PLEKHM3: variants seen among roughly 807,000 people sequenced by gnomAD.
PLEKHM3 encodes the protein pleckstrin homology domain-containing family M member 3.
PLEKHM3 carries 45 observed loss-of-function variants against 81.8 expected under a neutral mutation model. The ratio of observed to expected loss-of-function variants is 0.55; its 90% confidence interval spans 0.43 to 0.71. The LOEUF (loss-of-function observed/expected upper bound fraction) is 0.71, where lower values mean the gene tolerates loss of function less well. Among genes scored for constraint, PLEKHM3 ranks in the 30% least tolerant of loss-of-function variants. PLEKHM3 has a pLI of 0.00. For missense variants in PLEKHM3, 788 were observed against 924.3 expected (o/e 0.85, Z 1.91); for synonymous variants, 352 against 356.4 (o/e 0.99, Z 0.14).
At chr2:207,870,215 G>C (rs1039108665) in intron 6 of PLEKHM3, among the ~76,000 whole-genome samples, 1 of 152,158 alleles carries the variant, frequency 6.6e-6, no homozygotes, top group African/African-American at 2.4e-5. Context: ...TTTATGGGGG[G>C]CGGAGAAGAC....
In PLEKHM3 at chr2:207,831,303, T is replaced by C. The variant is rs540693508; in HGVS notation, c.2109-2807A>G. ...GATTGCCTACCGGGGACGCAGTGAG[T>C]TGGAGACAGAGTTGTGACTGGAACC... On this transcript the variant is annotated intron_variant, in intron 7 of 7. Transcript: ENST00000427836. Among the ~76,000 whole-genome samples the C allele has an allele frequency of 7.9e-5, 12 of 152,058 alleles. No homozygotes were observed. In the East Asian group the frequency reaches 2.3e-3, roughly 30 times the overall value.
intron 4 of PLEKHM3, among the ~76,000 whole-genome samples, chr2:207,945,681 C>T (rs1238334843): frequency 1.3e-5 from 2 of 152,180 alleles, no homozygotes; most frequent in Non-Finnish European, 2.9e-5. Flanking sequence ...GCAGGCAGAT[C>T]ATTTGAGGTC....
intron 7 of PLEKHM3, among the ~76,000 whole-genome samples, chr2:207,834,676 C>T (rs1454561900): frequency 1.3e-4 from 20 of 151,958 alleles, no homozygotes; most frequent in African/African-American, 4.4e-4. Context: ...CCACCTGCCT[C>T]GGCCTCCCAA....
chr2:207,882,719 A>C lies in PLEKHM3; in HGVS notation c.1951-21457T>G, dbSNP rs999932585. Among the ~76,000 whole-genome samples, 4 of 152,062 alleles carry C rather than the reference A, an allele frequency of 2.6e-5. No individual in the cohort carries two copies. The South Asian group carries it at 6.2e-4, about 24-fold the overall frequency. On this transcript the variant is annotated intron_variant, in intron 6 of 7. Coordinates refer to ENST00000427836, the MANE Select transcript of PLEKHM3 (RefSeq NM_001080475.3). ...TGTCTACTGATGATGTTGTTTATTC[A>C]GACTAAAAGGCAGACTACATATATG...
intron 6 of PLEKHM3, among the ~76,000 whole-genome samples, chr2:207,898,149 G>T (rs1297081095): frequency 2.0e-5 from 3 of 152,198 alleles, no homozygotes; most frequent in Non-Finnish European, 4.4e-5. Flanking sequence ...CGGAACAAAA[G>T]CAGGCATTCT....
chr2:208,004,277 T>C (rs1322635316), intron 1 of PLEKHM3, among the ~76,000 whole-genome samples: 5 of 151,922 alleles, frequency 3.3e-5, no homozygotes, highest in Admixed American at 3.3e-4. Context: ...GAGCCAGTCA[T>C]GATGGTGTGC....
At chr2:207,861,293 C>T (rs779514675) in intron 6 of PLEKHM3, 31 bp from the exon 7 acceptor site, 1 of 1,607,740 alleles carries the variant, frequency 6.2e-7, no homozygotes, top group South Asian at 1.1e-5. Context: ...CAGGGAAGCA[C>T]ATTTATTGAG....
rs112350133 is a variant in PLEKHM3, at chr2:207,952,959, A to G, written c.1547-6447T>C. 1.7e-3 allele frequency among the ~76,000 whole-genome samples: 254 copies of G among 152,340 alleles called. 3 individuals carry two copies. The highest frequency in any genetic ancestry group is 5.7e-3 in the African/African-American group (237 of 41,566). ...ATTCTGTCTTTGGGACAAGGTGGTGACCCATAAAGTAGGAGCTATCTGTTT... is the reference window on the plus strand; with the variant it reads ...ATTCTGTCTTTGGGACAAGGTGGTGGCCCATAAAGTAGGAGCTATCTGTTT... On this transcript the variant is annotated intron_variant, in intron 3 of 7. Transcript: ENST00000427836.
chr2:207,941,446 C>T (rs1574426951), intron 4 of PLEKHM3, among the ~76,000 whole-genome samples: 1 of 152,056 alleles, frequency 6.6e-6, no homozygotes. Flanking sequence ...GAAACTAGAC[C>T]CCCTCAGGAT....
Position 207,866,829 on chromosome 2 carries a change from T to C in PLEKHM3, c.1951-5567A>G, listed in dbSNP as rs893879359. Among the ~76,000 whole-genome samples the C allele has an allele frequency of 2.6e-5, 4 of 152,202 alleles. No individual in the cohort carries two copies. In the East Asian group the frequency reaches 7.7e-4, roughly 29 times the overall value. Reference sequence around the variant, plus strand: ...CCATCTTTGGCTACTTCAGACACCATAAATCTCTTGTGTTTCTCCCTAGAA... The same window carrying C: ...CCATCTTTGGCTACTTCAGACACCACAAATCTCTTGTGTTTCTCCCTAGAA... On this transcript the variant is annotated intron_variant, in intron 6 of 7. Transcript: ENST00000427836.
intron 4 of PLEKHM3, among the ~76,000 whole-genome samples, chr2:207,932,411 A>G (rs1432447120): frequency 6.6e-6 from 1 of 152,248 alleles, no homozygotes; most frequent in African/African-American, 2.4e-5. Flanking sequence ...GTTTCTATTT[A>G]TGGAAGATAA....
chr2:207,852,378 A>G (rs1277270589), intron 7 of PLEKHM3, among the ~76,000 whole-genome samples: 2 of 152,200 alleles, frequency 1.3e-5, no homozygotes, highest in African/African-American at 2.4e-5. Flanking sequence ...AGTTGCTGGC[A>G]CTAGTACTAA....
chr2:207,893,409 C>G (rs1003379340), intron 6 of PLEKHM3, among the ~76,000 whole-genome samples: 9 of 152,216 alleles, frequency 5.9e-5, no homozygotes, highest in Non-Finnish European at 1.3e-4. Flanking sequence ...AAATTATACA[C>G]ACACCTAAAA....
chr2:207,921,529 C>A (rs1490900017), intron 5 of PLEKHM3, among the ~76,000 whole-genome samples: 1 of 152,102 alleles, frequency 6.6e-6, no homozygotes, highest in Non-Finnish European at 1.5e-5. Flanking sequence ...TCAAAATGCA[C>A]TTTTCTAGCT....
chr2:208,003,610 A>T (rs1474442608), intron 1 of PLEKHM3, among the ~76,000 whole-genome samples: 1 of 152,182 alleles, frequency 6.6e-6, no homozygotes, highest in African/African-American at 2.4e-5. Context: ...TTTGATATTT[A>T]TTATGTTAGT....
At chr2:207,837,273 A>G (rs369966707) in intron 7 of PLEKHM3, among the ~76,000 whole-genome samples, 1 of 152,170 alleles carries the variant, frequency 6.6e-6, no homozygotes, top group South Asian at 2.1e-4. Context: ...AGGATACTAG[A>G]CATTCTAAGG....
intron 6 of PLEKHM3, among the ~76,000 whole-genome samples, chr2:207,865,780 TC>T: frequency 3.6e-4 from 1 of 2,780 alleles, no homozygotes; most frequent in African/African-American, 1.2e-3. Flanking sequence ...AAACTCCGAC[TC>T]AAAAAAAAAA....
At chr2:207,842,548 G>A (rs186194592) in intron 7 of PLEKHM3, among the ~76,000 whole-genome samples, 133 of 152,236 alleles carry the variant, frequency 8.7e-4, no homozygotes, top group Non-Finnish European at 8.8e-4. Flanking sequence ...GAAAAATACT[G>A]CAATAATGCT....
chr2:208,015,118 A>G (rs1037395066), intron 1 of PLEKHM3, among the ~76,000 whole-genome samples: 1 of 152,228 alleles, frequency 6.6e-6, no homozygotes, highest in African/African-American at 2.4e-5. Flanking sequence ...CTTTTACTGC[A>G]TTATGTTGTT....
Sources: gnomAD v4.1 joint callset for allele counts (sites outside exome capture counted in the v4.1 genomes callset) on GRCh38, gnomAD v4.1.1 for gene constraint, MANE v1.5 for transcripts, NCBI Gene and HGNC (gene_info 2026-07-23, HGNC 2026-07-21) for gene names.